The following MLYCD variants were observed in gnomAD, a reference collection of about 807,000 sequenced individuals.
The protein encoded by MLYCD is malonyl-CoA decarboxylase.
A neutral mutation model predicts 35.8 loss-of-function variants in MLYCD; 27 were observed. That is an observed-to-expected ratio of 0.75 (90% CI 0.56 to 1.04). The LOEUF is 1.04. Among genes scored for constraint, MLYCD ranks in the 50% least tolerant of loss-of-function variants. The probability of loss-of-function intolerance (pLI) is 0.00; values close to 1 mark genes in which losing one functional copy is unlikely to be tolerated. For missense variants in MLYCD, 917 were observed against 665.1 expected (o/e 1.38, Z -4.17); for synonymous variants, 403 against 302.4 (o/e 1.33, Z -3.45).
intron 4 of MLYCD, chr16:83,912,616 T>G: frequency 3.7e-6 from 2 of 534,042 alleles, no homozygotes; most frequent in Admixed American, 3.0e-5. Flanking sequence ...CGCAGTTGTA[T>G]TCTGAGGTCA....
At chr16:83,908,695 C>A (rs973508647) in intron 3 of MLYCD, among the ~76,000 whole-genome samples, 13 of 152,144 alleles carry the variant, frequency 8.5e-5, no homozygotes, top group Non-Finnish European at 1.5e-5. Context: ...GCACTCCATC[C>A]CTTATGCTTG....
rs765450941 is a variant in MLYCD, at chr16:83,899,464, C to G, written c.320C>G (p.Ala107Gly). 1 of 1,537,918 alleles carries G rather than the reference C, an allele frequency of 6.5e-7. No individual in the cohort carries two copies. Among genetic ancestry groups the G allele is most frequent in the African/African-American group, 1.4e-5 (1 of 70,154 alleles). Residue 107 changes from alanine (A) to glycine (G), a missense_variant, in exon 1 of 5, where the codon GCC becomes GGC. Physicochemically the swap from Ala to Gly is moderately conservative, Grantham distance 60 (BLOSUM62 0). Coordinates refer to ENST00000262430, the MANE Select transcript of MLYCD (RefSeq NM_012213.3). Reference protein sequence around the residue: ...VDHGQVAEQSAGVLHLRQQQR... With the variant: ...VDHGQVAEQSGGVLHLRQQQR... ...CACGGCCAGGTGGCGGAGCAGAGCG[C>G]CGGCGTGCTCCATCTGCGCCAGCAG...
rs1253952566 is a variant in MLYCD at position 83,922,423 on chromosome 16, G to A, written c.*6934G>A. On this transcript the variant is annotated 3_prime_UTR_variant, in exon 5 of 5. Coordinates refer to ENST00000262430, the MANE Select transcript of MLYCD (RefSeq NM_012213.3). Reference sequence around the variant, plus strand: ...AGACTTGAGGGGTGCCACTGGAGTTGGGGTGCACCTGCTCTCACCTGTTCA... The same window carrying A: ...AGACTTGAGGGGTGCCACTGGAGTTAGGGTGCACCTGCTCTCACCTGTTCA... The A allele has an allele frequency of 1.3e-5, 2 of 152,318 alleles. No individual in the cohort carries two copies. The highest frequency in any genetic ancestry group is 1.9e-4 in the East Asian group (1 of 5,196). 9.4% of individuals were successfully genotyped at this position (152,318 alleles called of 1,614,324 possible).
rs898459525 is a variant in MLYCD at position 83,921,143 on chromosome 16, AGATG to A, written c.*5661_*5664del. On this transcript the variant is annotated 3_prime_UTR_variant, in exon 5 of 5. Coordinates refer to ENST00000262430, the MANE Select transcript of MLYCD (RefSeq NM_012213.3). Reference sequence around the variant, plus strand: ...GGAGGGTAGAGTTTTAATGGAAGGAAGATGGATGGACGAATAGATGGAAGGAAGA... The same window carrying A: ...GGAGGGTAGAGTTTTAATGGAAGGAAGATGGACGAATAGATGGAAGGAAGA... The A allele has an allele frequency of 1.3e-5, 2 of 149,416 alleles. No individual in the cohort carries two copies. Among genetic ancestry groups the A allele is most frequent in the South Asian group, 2.2e-4 (1 of 4,626 alleles). The allele number at this position is 149,416 out of a possible 1,614,324, so 9.3% of individuals were successfully genotyped here.
At chr16:83,913,832 G>C (rs1022460019) in intron 4 of MLYCD, 1 of 150,402 alleles carries the variant, frequency 6.6e-6, no homozygotes, top group Non-Finnish European at 1.5e-5. Flanking sequence ...ACAGTGGTTC[G>C]GGGTGGGGGA....
chr16:83,904,189 T>C (rs575002560), intron 1 of MLYCD, among the ~76,000 whole-genome samples: 5 of 143,930 alleles, frequency 3.5e-5, no homozygotes, highest in Admixed American at 2.0e-4. Context: ...CCAGCTTTTT[T>C]CATATCACGA....
intron 3 of MLYCD, among the ~76,000 whole-genome samples, chr16:83,909,304 C>G (rs1049364275): frequency 1.3e-5 from 2 of 152,116 alleles, no homozygotes; most frequent in African/African-American, 4.8e-5. Flanking sequence ...GCTGACAGTT[C>G]AAAAGGGTGG....
chr16:83,908,399 G>GT, intron 3 of MLYCD, 117 bp downstream of exon 3: 1 of 1,298,130 alleles, frequency 7.7e-7, no homozygotes, highest in Non-Finnish European at 1.0e-6. Flanking sequence ...TAAATAAATG[G>GT]TTTTGGGCTT....
chr16:83,902,133 G>A lies in MLYCD; in HGVS notation c.528+2461G>A, dbSNP rs199646465. Among the ~76,000 whole-genome samples, 960 of 96,804 alleles carry A rather than the reference G, an allele frequency of 9.9e-3. 19 individuals carry two copies. The highest frequency in any genetic ancestry group is 0.043 in the African/African-American group (853 of 19,828). 63.5% of individuals were successfully genotyped at this position (96,804 alleles called of 152,430 possible). ...TACACATATATATGTATGTGTATAT[G>A]TGTGTGTGTGTGTGTGCGTGCGTAT... On this transcript the variant is annotated intron_variant, in intron 1 of 4. Transcript: ENST00000262430.
At chr16:83,908,899 A>C (rs1907075291) in intron 3 of MLYCD, among the ~76,000 whole-genome samples, 1 of 152,216 alleles carries the variant, frequency 6.6e-6, no homozygotes, top group Admixed American at 6.5e-5. Context: ...GATAGGTGGC[A>C]GGGAGCATGA....
rs1195595256 is a variant in MLYCD at position 83,918,507 on chromosome 16, CAGG to C, written c.*3021_*3023del. The C allele has an allele frequency of 3.0e-5, 4 of 134,616 alleles. No individual in the cohort carries two copies. Among genetic ancestry groups the C allele is most frequent in the East Asian group, 2.5e-4 (1 of 4,004 alleles). The allele number at this position is 134,616 out of a possible 1,614,324, so 8.3% of individuals were successfully genotyped here. On this transcript the variant is annotated 3_prime_UTR_variant, in exon 5 of 5. Coordinates refer to ENST00000262430, the MANE Select transcript of MLYCD (RefSeq NM_012213.3). ...TGCACAGGAGAACACGCACAGTGCA[CAGG>C]AGAACACAGAGTGCACAGGAGAACA...
rs1907606885 is a variant in MLYCD at position 83,920,232 on chromosome 16, C to T, written c.*4743C>T. On this transcript the variant is annotated 3_prime_UTR_variant, in exon 5 of 5. Transcript: ENST00000262430. ...AGCTCCCTGGCCTCCCACAGCCATT[C>T]ATAGAGCCCATTCTGTTTGCGATAA... 1 of 152,220 alleles carries T rather than the reference C, an allele frequency of 6.6e-6. No homozygotes were observed. The highest frequency in any genetic ancestry group is 2.1e-4 in the South Asian group (1 of 4,826). The allele number at this position is 152,220 out of a possible 1,614,324, so 9.4% of individuals were successfully genotyped here.
rs1715697322 is a variant in MLYCD at position 83,899,667 on chromosome 16, G to A, written c.523G>A (p.Val175Ile). The stretch of plus-strand genomic sequence containing the variant: ...CCTCAAGCTGGTGGAGGGGCCGGAC[G>A]TCCGGGTAAGGGGCCGCCGTCGATC... ...QALKLVEGPD[V>I]REMNGVLKGM... is the part of the protein sequence containing the mutation. The change falls in exon 1 of 5, where the codon GTC becomes ATC. Residue 175 changes from valine to isoleucine, a missense_variant. Val to Ile is a conservative substitution (Grantham distance 29). Coordinates refer to ENST00000262430, the MANE Select transcript of MLYCD (RefSeq NM_012213.3). The A allele has an allele frequency of 6.6e-7, 1 of 1,524,100 alleles. No homozygotes were observed. The highest frequency in any genetic ancestry group is 8.8e-7 in the Non-Finnish European group (1 of 1,142,314). The allele number at this position is 1,524,100 out of a possible 1,614,324, so 94.4% of individuals were successfully genotyped here.
chr16:83,918,618 A>G lies in MLYCD; in HGVS notation c.*3129A>G, dbSNP rs1159830649. 3 of 146,658 alleles carry G rather than the reference A, an allele frequency of 2.0e-5. No homozygotes were observed. The East Asian group carries it at 6.3e-4, about 31-fold the overall frequency. The allele number at this position is 146,658 out of a possible 1,614,324, so 9.1% of individuals were successfully genotyped here. A position where few individuals can be genotyped will look rare whatever the true frequency, so the allele number is the denominator to read the frequency against. On this transcript the variant is annotated 3_prime_UTR_variant, in exon 5 of 5. Coordinates refer to ENST00000262430, the MANE Select transcript of MLYCD (RefSeq NM_012213.3). Reference sequence around the variant, plus strand: ...GAACACGCACAGTGCACAGGAGAACACGGTGCACCGGAGAACATGCACACA... The same window carrying G: ...GAACACGCACAGTGCACAGGAGAACGCGGTGCACCGGAGAACATGCACACA...
At position 83,907,026 on chromosome 16, in the gene MLYCD, T is replaced by A; in HGVS notation, c.568T>A (p.Phe190Ile). 6.2e-7 allele frequency: 1 copy of A among 1,614,130 alleles called. No individual in the cohort carries two copies. Among genetic ancestry groups the A allele is most frequent in the South Asian group, 1.1e-5 (1 of 91,074 alleles). ...GVLKGMLSEW[F>I]SSGFLNLERV... Reference sequence around the variant, plus strand: ...GCTGAAAGGAATGCTCTCAGAATGGTTTTCCTCCGGGTTCCTGAACCTAGA... The same window carrying A: ...GCTGAAAGGAATGCTCTCAGAATGGATTTCCTCCGGGTTCCTGAACCTAGA... Residue 190 changes from phenylalanine to isoleucine, a missense_variant, in exon 2 of 5, where the codon TTT becomes ATT. By Grantham distance (21) the Phe-to-Ile change is conservative. Transcript: ENST00000262430.
rs1222287607 is a variant in MLYCD, at chr16:83,925,549, C to G, written c.*10060C>G. 1 of 152,424 alleles carries G rather than the reference C, an allele frequency of 6.6e-6. No individual in the cohort carries two copies. The highest frequency in any genetic ancestry group is 1.5e-5 in the Non-Finnish European group (1 of 68,174). 9.4% of individuals were successfully genotyped at this position (152,424 alleles called of 1,614,324 possible). A position where few individuals can be genotyped will look rare whatever the true frequency, so the allele number is the denominator to read the frequency against. ...AGAGTTGTCATTGTGAAATGCAAAT[C>G]AGGTTCCATCTCTCCTCTCCTTTCC... On this transcript the variant is annotated 3_prime_UTR_variant, in exon 5 of 5. Transcript: ENST00000262430.
rs372158527 is a variant in MLYCD at position 83,919,350 on chromosome 16, CAGG to C, written c.*3864_*3866del. On this transcript the variant is annotated 3_prime_UTR_variant, in exon 5 of 5. Transcript: ENST00000262430. ...GCACAGAATTCATGCACACAGTGCA[CAGG>C]AGAACACACACAGTGCACAGGAGAA... The C allele has an allele frequency of 8.1e-5, 12 of 148,624 alleles. No homozygotes were observed. Among genetic ancestry groups the C allele is most frequent in the African/African-American group, 2.0e-4 (8 of 39,746 alleles). 9.2% of individuals were successfully genotyped at this position (148,624 alleles called of 1,614,324 possible).
intron 1 of MLYCD, among the ~76,000 whole-genome samples, chr16:83,900,749 T>C (rs937556265): frequency 1.3e-5 from 2 of 152,152 alleles, no homozygotes; most frequent in Non-Finnish European, 2.9e-5. Flanking sequence ...AACACTTGAA[T>C]GATTATGACT....
rs755747042 is a variant in MLYCD at position 83,923,590 on chromosome 16, T to G, written c.*8101T>G. ...GGCATTCTCTGTACACGTTCCTGGT[T>G]CCAGCCTGCCTCCTTCCCTAGAGGA... On this transcript the variant is annotated 3_prime_UTR_variant, in exon 5 of 5. Coordinates refer to ENST00000262430, the MANE Select transcript of MLYCD (RefSeq NM_012213.3). 1.3e-5 allele frequency: 2 copies of G among 152,232 alleles called. No individual in the cohort carries two copies. Among genetic ancestry groups the G allele is most frequent in the Non-Finnish European group, 2.9e-5 (2 of 68,044 alleles). The allele number at this position is 152,232 out of a possible 1,614,324, so 9.4% of individuals were successfully genotyped here.
Sources: gnomAD v4.1 joint callset for allele counts (sites outside exome capture counted in the v4.1 genomes callset) on GRCh38, gnomAD v4.1.1 for gene constraint, MANE v1.5 for transcripts, NCBI Gene and HGNC (gene_info 2026-07-23, HGNC 2026-07-21) for gene names.